Variants in GON4L observed in about 807,000 individuals in gnomAD.
GON4L encodes the protein gon-4 like, also known as GON-4-like protein.
A neutral mutation model predicts 211.8 loss-of-function variants in GON4L; 87 were observed. The observed-to-expected ratio is 0.41, with a 90% CI of 0.35 to 0.49. GON4L has a LOEUF of 0.49. Ranked by LOEUF, GON4L falls within the 20% of genes least tolerant of loss-of-function variation. The pLI is 0.15. For missense variants in GON4L, 2,155 were observed against 2,659.5 expected (o/e 0.81, Z 4.17); for synonymous variants, 875 against 962.6 (o/e 0.91, Z 1.68).
chr1:155,781,471 ATTATTT>A (rs1386332120), intron 14 of GON4L, among the ~76,000 whole-genome samples: 2 of 58,902 alleles, frequency 3.4e-5, no homozygotes, highest in Admixed American at 1.9e-4. Flanking sequence ...TATTATTATT[ATTATTT>A]TTTGAGATGG....
chr1:155,822,214 T>C, intron 4 of GON4L, 72 bp downstream of exon 4: 1 of 1,260,848 alleles, frequency 7.9e-7, no homozygotes, highest in Non-Finnish European at 1.2e-6. Context: ...GTCAAGAATT[T>C]GCTGAACATT....
At chr1:155,823,180 C>A (rs1485238079) in intron 3 of GON4L, among the ~76,000 whole-genome samples, 1 of 152,300 alleles carries the variant, frequency 6.6e-6, no homozygotes, top group Non-Finnish European at 1.5e-5. Flanking sequence ...CCACTCGCCT[C>A]AGCCTCCCAA....
intron 12 of GON4L, among the ~76,000 whole-genome samples, chr1:155,787,149 ATCCACCCGCCTC>A (rs1665032001): frequency 6.6e-6 from 1 of 151,894 alleles, no homozygotes; most frequent in African/African-American, 2.4e-5. Context: ...TGACCTCGTG[ATCCACCCGCCTC>A]AGCCTCCCAA....
At chr1:155,849,405 G>A (rs575614024) in intron 2 of GON4L, among the ~76,000 whole-genome samples, 31 of 150,706 alleles carry the variant, frequency 2.1e-4, no homozygotes, top group Admixed American at 4.0e-4. Flanking sequence ...TTAGCCAAGC[G>A]TGGTGGCGGG....
chr1:155,804,812 G>T, intron 11 of GON4L, 137 bp downstream of exon 11: 2 of 719,308 alleles, frequency 2.8e-6, no homozygotes, highest in Admixed American at 4.4e-5. Flanking sequence ...ATTAACTACT[G>T]ATTTAAGATA....
chr1:155,756,797 C>G (rs1043792790), intron 27 of GON4L, 161 bp downstream of exon 27: 37 of 598,462 alleles, frequency 6.2e-5, no homozygotes, highest in Non-Finnish European at 1.0e-4. Flanking sequence ...TGGTGGCTGG[C>G]GCCTGTCTGT....
At chr1:155,766,763 A>G in intron 20 of GON4L, 54 bp from the exon 21 acceptor site, 1 of 1,609,572 alleles carries the variant, frequency 6.2e-7, no homozygotes, top group South Asian at 1.1e-5. Flanking sequence ...TGGGAAAAAG[A>G]GGCTTGGCAC....
chr1:155,755,700 C>CATTA (rs1452374480), intron 27 of GON4L, among the ~76,000 whole-genome samples: 2 of 152,094 alleles, frequency 1.3e-5, no homozygotes, highest in Non-Finnish European at 2.9e-5. Flanking sequence ...CTGGAGAGCT[C>CATTA]CATCATGAGA....
chr1:155,792,169 A>C (rs1263977930), intron 12 of GON4L, among the ~76,000 whole-genome samples: 1 of 152,182 alleles, frequency 6.6e-6, no homozygotes, highest in African/African-American at 2.4e-5. Context: ...GAGGAGGTGT[A>C]AACAAATTCT....
At chr1:155,844,763 A>C (rs1056027994) in intron 2 of GON4L, among the ~76,000 whole-genome samples, 1 of 151,828 alleles carries the variant, frequency 6.6e-6, no homozygotes, top group African/African-American at 2.4e-5. Context: ...GTCTCAAAAA[A>C]CCCAAAAAAT....
chr1:155,748,457 G>C (rs552663032), downstream of GON4L: 270 of 1,609,980 alleles, frequency 1.7e-4, 3 homozygotes, highest in South Asian at 2.8e-3. Flanking sequence ...CACAGTCACT[G>C]TTCCTTATCG....
intron 2 of GON4L, among the ~76,000 whole-genome samples, chr1:155,847,803 G>T (rs1671391624): frequency 6.6e-6 from 1 of 152,152 alleles, no homozygotes; most frequent in African/African-American, 2.4e-5. Flanking sequence ...GAACCCAGGA[G>T]GCGGGGGTTG....
chr1:155,798,638 C>T (rs1468581078), intron 11 of GON4L, among the ~76,000 whole-genome samples: 1 of 133,322 alleles, frequency 7.5e-6, no homozygotes, highest in East Asian at 2.3e-4. Context: ...CCAGGATGGT[C>T]TCGATCTCCC....
downstream of GON4L, chr1:155,749,620 C>T (rs1660396847): frequency 3.5e-6 from 5 of 1,416,590 alleles, no homozygotes; most frequent in South Asian, 5.0e-5. Context: ...GATGGTTCCC[C>T]CAAGGGAGCA....
At chr1:155,760,681 G>C in intron 23 of GON4L, 40 bp from the exon 24 acceptor site, 1 of 1,382,682 alleles carries the variant, frequency 7.2e-7, no homozygotes, top group Non-Finnish European at 1.0e-6. Flanking sequence ...CCCTTTATTT[G>C]GGCCACAACA....
chr1:155,829,918 G>A lies in GON4L; in HGVS notation c.506-2890C>T, dbSNP rs1332680784. Among the ~76,000 whole-genome samples the A allele has an allele frequency of 2.6e-5, 4 of 151,756 alleles. No homozygotes were observed. The East Asian group carries it at 7.7e-4, about 29-fold the overall frequency. ...CTAGAGTATGAAAAATGATTTTGTG[G>A]TGCAGCTGATAATGTGCTTGCAGGG... On this transcript the variant is annotated intron_variant, in intron 2 of 31. Transcript: ENST00000368331.
intron 14 of GON4L, among the ~76,000 whole-genome samples, chr1:155,779,698 T>C (rs1484851019): frequency 6.6e-6 from 1 of 152,198 alleles, no homozygotes; most frequent in Non-Finnish European, 1.5e-5. Flanking sequence ...AGAACTGACA[T>C]GCTGGGTTTT....
Position 155,804,940 on chromosome 1 carries a change from A to C in GON4L, c.1645+9T>G. ...CAGTATACATAATAAATCACAAACC[A>C]AAACTTACCTTCATTCCCCACATCA... On this transcript the variant is annotated intron_variant, in intron 11 of 31. Coordinates refer to ENST00000368331, the MANE Select transcript of GON4L (RefSeq NM_001282860.2). The C allele has an allele frequency of 6.2e-7, 1 of 1,610,274 alleles. No homozygotes were observed. The highest frequency in any genetic ancestry group is 8.5e-7 in the Non-Finnish European group (1 of 1,176,540).
intron 5 of GON4L, 97 bp from the exon 6 acceptor site, chr1:155,820,753 G>C: frequency 1.1e-6 from 1 of 879,448 alleles, no homozygotes; most frequent in Non-Finnish European, 1.9e-6. Context: ...GGCCAAGGTG[G>C]GAGGATGGCT....
Sources: allele counts gnomAD v4.1 joint callset (sites outside exome capture counted in the v4.1 genomes callset), GRCh38; gene constraint gnomAD v4.1.1; transcripts MANE v1.5; gene names NCBI Gene and HGNC (gene_info 2026-07-23, HGNC 2026-07-21).